NALCN: variants seen among roughly 807,000 people sequenced by gnomAD.
NALCN encodes sodium leak channel, non-selective.
NALCN carries 111 observed loss-of-function variants against 225.3 expected under a neutral mutation model. That is an observed-to-expected ratio of 0.49 (90% CI 0.42 to 0.58). The LOEUF (loss-of-function observed/expected upper bound fraction) is 0.58, where lower values mean the gene tolerates loss of function less well. Ranked by LOEUF, NALCN falls within the 20% of genes least tolerant of loss-of-function variation. The pLI is 0.00. For synonymous variants in NALCN, 764 were observed against 769.0 expected, an observed-to-expected ratio of 0.99 and a Z score of 0.11; for missense variants, 1,378 against 2,202.4, an observed-to-expected ratio of 0.63 and a Z score of 7.49.
At chr13:101,362,012 A>G (rs1270150256) in intron 6 of NALCN, among the ~76,000 whole-genome samples, 2 of 151,910 alleles carry the variant, frequency 1.3e-5, no homozygotes, top group Non-Finnish European at 2.9e-5. Context: ...TTACTTTATT[A>G]ATATTATTAT....
intron 13 of NALCN, among the ~76,000 whole-genome samples, chr13:101,212,671 G>C (rs1319238640): frequency 1.3e-5 from 2 of 152,116 alleles, no homozygotes; most frequent in Non-Finnish European, 2.9e-5. Flanking sequence ...GACTGAGGGA[G>C]GGTAAAGCTG....
chr13:101,207,850 C>T (rs2040373685), intron 13 of NALCN, among the ~76,000 whole-genome samples: 1 of 152,220 alleles, frequency 6.6e-6, no homozygotes, highest in Non-Finnish European at 1.5e-5. Flanking sequence ...TTGCTCTTTG[C>T]AATACATCTT....
chr13:101,402,377 T>C (rs2047500273), intron 1 of NALCN, among the ~76,000 whole-genome samples: 1 of 152,234 alleles, frequency 6.6e-6, no homozygotes, highest in Non-Finnish European at 1.5e-5. Flanking sequence ...CCCATGTTCA[T>C]TGCTGTTTTA....
rs142925522 is a variant in NALCN at position 101,338,736 on chromosome 13, A to G, written c.799+6530T>C. Reference sequence around the variant, plus strand: ...CCCCATCAGCATTTCACTAAAGGGAAATAATGCTAACATTCCACTAGAAAA... The same window carrying G: ...CCCCATCAGCATTTCACTAAAGGGAGATAATGCTAACATTCCACTAGAAAA... On this transcript the variant is annotated intron_variant, in intron 7 of 43. Coordinates refer to ENST00000251127, the MANE Select transcript of NALCN (RefSeq NM_052867.4). 6.0e-4 allele frequency among the ~76,000 whole-genome samples: 91 copies of G among 152,352 alleles called. No individual in the cohort carries two copies. The East Asian group carries it at 0.01, about 17-fold the overall frequency.
intron 7 of NALCN, among the ~76,000 whole-genome samples, chr13:101,340,668 T>G (rs1404586117): frequency 6.6e-6 from 1 of 152,198 alleles, no homozygotes; most frequent in Non-Finnish European, 1.5e-5. Flanking sequence ...AGTGGAGTCA[T>G]GATCTAAACC....
chr13:101,304,251 TTA>T (rs1409486745), intron 7 of NALCN, among the ~76,000 whole-genome samples: 2 of 152,154 alleles, frequency 1.3e-5, no homozygotes, highest in Admixed American at 6.5e-5. Context: ...TGTTATTTTA[TTA>T]TGTTATTATT....
chr13:101,175,234 C>A (rs933543026), intron 15 of NALCN, among the ~76,000 whole-genome samples: 1 of 136,968 alleles, frequency 7.3e-6, no homozygotes, highest in African/African-American at 2.5e-5. Context: ...ATCTTCATAA[C>A]AATTTTTTTT....
chr13:101,340,905 G>C (rs1566594697), intron 7 of NALCN, among the ~76,000 whole-genome samples: 2 of 152,102 alleles, frequency 1.3e-5, no homozygotes, highest in African/African-American at 4.8e-5. Context: ...CGTGGTCATA[G>C]ATAATATTAT....
chr13:101,363,465 G>C lies in NALCN; in HGVS notation c.644+13235C>G, dbSNP rs560235860. Among the ~76,000 whole-genome samples, 3 of 152,048 alleles carry C rather than the reference G, an allele frequency of 2.0e-5. No homozygotes were observed. In the South Asian group the frequency reaches 6.2e-4, roughly 32 times the overall value. On this transcript the variant is annotated intron_variant, in intron 6 of 43. Coordinates refer to ENST00000251127, the MANE Select transcript of NALCN (RefSeq NM_052867.4). ...TACAGCCAATTCATTCTTGACAAAG[G>C]TATCAAGAACATTAAGGAAAGGACA...
In NALCN at chr13:101,104,193, T is replaced by A. The variant is rs545235773; in HGVS notation, c.2889+102A>T. 5 of 1,405,038 alleles carry A rather than the reference T, an allele frequency of 3.6e-6. No homozygotes were observed. The highest frequency in any genetic ancestry group is 4.8e-6 in the Non-Finnish European group (5 of 1,043,364). 87.0% of individuals were successfully genotyped at this position (1,405,038 alleles called of 1,614,324 possible). A position where few individuals can be genotyped will look rare whatever the true frequency, so the allele number is the denominator to read the frequency against. On this transcript the variant is annotated intron_variant, in intron 25 of 43. Coordinates refer to ENST00000251127, the MANE Select transcript of NALCN (RefSeq NM_052867.4). The surrounding 1 kb of genome is among the most constrained non-coding windows in gnomAD (Gnocchi z 4.2). ...TCCATTTAAGAATTCGGTTAGGGAATCTAAGCCTCTGTAACTCATACCTCT... is the reference window on the plus strand; with the variant it reads ...TCCATTTAAGAATTCGGTTAGGGAAACTAAGCCTCTGTAACTCATACCTCT...
At chr13:101,166,979 C>T (rs541728338) in intron 15 of NALCN, among the ~76,000 whole-genome samples, 1 of 152,262 alleles carries the variant, frequency 6.6e-6, no homozygotes, top group South Asian at 2.1e-4. Flanking sequence ...ACTGTCCTTT[C>T]CCCATAGTGT....
intron 28 of NALCN, among the ~76,000 whole-genome samples, chr13:101,094,317 C>T (rs577307064): frequency 2.0e-5 from 3 of 152,208 alleles, no homozygotes; most frequent in East Asian, 3.9e-4. Context: ...CCATCTCTGA[C>T]GTTAAGTGAT....
intron 7 of NALCN, among the ~76,000 whole-genome samples, chr13:101,342,212 T>C (rs2045579202): frequency 6.6e-6 from 1 of 152,218 alleles, no homozygotes; most frequent in Non-Finnish European, 1.5e-5. Context: ...CATAAATTAA[T>C]CACCTGGAGA....
chr13:101,399,167 T>C lies in NALCN; in HGVS notation c.-39-2A>G. On this transcript the variant is annotated splice_acceptor_variant, in intron 1 of 43. Transcript: ENST00000251127. LOFTEE classifies it low-confidence loss of function (5UTR_SPLICE). ...GGTGAGCAAGCACAAAACCACAGTC[T>C]GGGAAAAGGAAAAGTTGTATTTGTC... is the stretch of plus-strand genomic sequence containing the variant. 1 of 1,609,008 alleles carries C rather than the reference T, an allele frequency of 6.2e-7. No homozygotes were observed. Among genetic ancestry groups the C allele is most frequent in the Non-Finnish European group, 8.5e-7 (1 of 1,176,928 alleles).
chr13:101,291,618 G>A (rs533935675), intron 9 of NALCN, among the ~76,000 whole-genome samples: 1 of 152,266 alleles, frequency 6.6e-6, no homozygotes, highest in Admixed American at 6.5e-5. Flanking sequence ...TGTGATTGCA[G>A]CTCACTGTAC....
At chr13:101,183,737 G>A (rs888932428) in intron 14 of NALCN, among the ~76,000 whole-genome samples, 1 of 152,076 alleles carries the variant, frequency 6.6e-6, no homozygotes, top group African/African-American at 2.4e-5. Context: ...TGGGATTATA[G>A]GGGGAGCCAC....
intron 7 of NALCN, among the ~76,000 whole-genome samples, chr13:101,293,775 A>G (rs1326397841): frequency 6.6e-6 from 1 of 152,232 alleles, no homozygotes. Context: ...AAGAAAAGCT[A>G]AGAGAAAGAA....
rs755448974 is a variant in NALCN at position 101,395,404 on chromosome 13, C to A, written c.109-39G>T. 2.6e-5 allele frequency: 41 copies of A among 1,583,896 alleles called. 1 individual carries two copies. In the Middle Eastern group the frequency reaches 5.1e-3, roughly 196 times the overall value. The stretch of plus-strand genomic sequence containing the variant: ...CCAGAGTTACTACACGGCACCATAA[C>A]TGATATCTCAAACTTGTATTATGAA... On this transcript the variant is annotated intron_variant, in intron 2 of 43. Transcript: ENST00000251127.
chr13:101,263,983 G>A (rs1224583761), intron 10 of NALCN, among the ~76,000 whole-genome samples: 2 of 152,070 alleles, frequency 1.3e-5, no homozygotes, highest in Non-Finnish European at 2.9e-5. Context: ...GTATCTACAG[G>A]AAAGTCCAAA....
Sources: allele counts gnomAD v4.1 joint callset (sites outside exome capture counted in the v4.1 genomes callset), GRCh38; gene constraint gnomAD v4.1.1; non-coding constraint Gnocchi (gnomAD v3.1); transcripts MANE v1.5; gene names NCBI Gene and HGNC (gene_info 2026-07-23, HGNC 2026-07-21).